CAMTA1: variants seen among roughly 807,000 people sequenced by gnomAD.
The protein encoded by CAMTA1 is calmodulin-binding transcription activator 1.
Under a neutral mutation model 170.9 loss-of-function variants are expected in CAMTA1, and 27 were observed. The ratio of observed to expected loss-of-function variants is 0.16; its 90% CI spans 0.12 to 0.22. The LOEUF is 0.22. Ranked by LOEUF, CAMTA1 falls within the 10% of genes least tolerant of loss-of-function variation. The pLI, the probability that CAMTA1 is intolerant of heterozygous loss-of-function variation, is 1.00. For missense variants in CAMTA1, 1,619 were observed against 2,217.2 expected, an observed-to-expected ratio of 0.73 and a Z score of 5.42; for synonymous variants, 833 against 891.5, an observed-to-expected ratio of 0.93 and a Z score of 1.17.
At chr1:7,301,084 G>C (rs538611077) in intron 5 of CAMTA1, among the ~76,000 whole-genome samples, 1 of 152,274 alleles carries the variant, frequency 6.6e-6, no homozygotes, top group South Asian at 2.1e-4. Context: ...CTATTACCCA[G>C]GAGCCCAGAA....
intron 4 of CAMTA1, among the ~76,000 whole-genome samples, chr1:7,151,582 T>G (rs1477674438): frequency 3.3e-5 from 5 of 152,190 alleles, no homozygotes; most frequent in Non-Finnish European, 5.9e-5. Context: ...CTGAGTGTCT[T>G]GACGGCACAG....
intron 3 of CAMTA1, among the ~76,000 whole-genome samples, chr1:6,906,815 TGTA>T (rs1455975689): frequency 6.6e-6 from 1 of 152,190 alleles, no homozygotes; most frequent in Non-Finnish European, 1.5e-5. Flanking sequence ...AATATTCTCA[TGTA>T]GTTATTATTT....
chr1:7,244,030 A>G (rs1665342486), intron 4 of CAMTA1, among the ~76,000 whole-genome samples: 1 of 152,244 alleles, frequency 6.6e-6, no homozygotes, highest in Admixed American at 6.5e-5. Flanking sequence ...CAATGAACTC[A>G]AACAAATTTA....
At chr1:6,922,717 T>G (rs1163681304) in intron 3 of CAMTA1, among the ~76,000 whole-genome samples, 2 of 152,110 alleles carry the variant, frequency 1.3e-5, no homozygotes, top group Non-Finnish European at 2.9e-5. Flanking sequence ...AAGGCCAGCC[T>G]GTATTCAGTG....
At chr1:7,370,914 C>CTTTTTTTT (rs61387662) in intron 5 of CAMTA1, among the ~76,000 whole-genome samples, 6,762 of 109,914 alleles carry the variant, frequency 0.062, 737 homozygotes, top group African/African-American at 0.073. Flanking sequence ...TTCTTTCTTT[C>CTTTTTTTT]TTTTTTTTTT....
chr1:7,671,661 A>G (rs959842275), intron 10 of CAMTA1, among the ~76,000 whole-genome samples: 3 of 152,180 alleles, frequency 2.0e-5, no homozygotes, highest in Non-Finnish European at 4.4e-5. Flanking sequence ...TGTGCCCAGA[A>G]AAGGTGCATA....
At chr1:7,727,287 T>C (rs907440107) in intron 11 of CAMTA1, among the ~76,000 whole-genome samples, 2 of 152,102 alleles carry the variant, frequency 1.3e-5, no homozygotes, top group African/African-American at 4.8e-5. Flanking sequence ...CACACCCGGC[T>C]AATTTTTTGT....
intron 3 of CAMTA1, among the ~76,000 whole-genome samples, chr1:6,892,592 CTTTTCTTTTTTTTT>C (rs1327778762): frequency 8.3e-6 from 1 of 120,682 alleles, no homozygotes; most frequent in Non-Finnish European, 1.8e-5. Context: ...AAATTTTTTT[CTTTTCTTTTTTTTT>C]TTTTTTTTGC....
At chr1:6,950,716 C>A (rs1688334325) in intron 3 of CAMTA1, among the ~76,000 whole-genome samples, 1 of 151,946 alleles carries the variant, frequency 6.6e-6, no homozygotes, top group Admixed American at 6.6e-5. Context: ...GCACCCCCAC[C>A]CCCCAGCCCC....
intron 2 of CAMTA1, among the ~76,000 whole-genome samples, chr1:6,823,950 T>C (rs983094964): frequency 6.6e-6 from 1 of 152,190 alleles, no homozygotes; most frequent in Admixed American, 6.5e-5. Flanking sequence ...TAATCTAATC[T>C]TGTTGATTTG....
At chr1:7,243,189 G>C (rs1247005171) in intron 4 of CAMTA1, among the ~76,000 whole-genome samples, 2 of 152,036 alleles carry the variant, frequency 1.3e-5, no homozygotes, top group Non-Finnish European at 2.9e-5. Context: ...CCTATGCCTT[G>C]GTCTTCTTTT....
rs375289420 is a variant in CAMTA1, at chr1:6,900,556, A to T, written c.234+75346A>T. On this transcript the variant is annotated intron_variant, in intron 3 of 22. Coordinates refer to ENST00000303635, the MANE Select transcript of CAMTA1 (RefSeq NM_015215.4). ...TATGAAAAACCCATGGAATCTATAT[A>T]AAAAAAAACCCAAGCACCTATGAGA... Among the ~76,000 whole-genome samples the T allele has an allele frequency of 3.6e-4, 55 of 151,394 alleles. No homozygotes were observed. In the East Asian group the frequency reaches 7.2e-3, roughly 20 times the overall value.
chr1:7,307,615 A>G (rs1675796344), intron 5 of CAMTA1, among the ~76,000 whole-genome samples: 1 of 151,876 alleles, frequency 6.6e-6, no homozygotes, highest in African/African-American at 2.4e-5. Context: ...GAATATAATA[A>G]TGTTTTTTCT....
intron 3 of CAMTA1, among the ~76,000 whole-genome samples, chr1:6,860,172 T>C (rs1175801974): frequency 6.6e-6 from 1 of 152,222 alleles, no homozygotes; most frequent in Non-Finnish European, 1.5e-5. Context: ...CATTATGTCC[T>C]CATGCCAATC....
intron 5 of CAMTA1, among the ~76,000 whole-genome samples, chr1:7,425,704 G>A (rs1439007198): frequency 6.7e-6 from 1 of 150,068 alleles, no homozygotes; most frequent in Non-Finnish European, 1.5e-5. Flanking sequence ...TACCCACCGA[G>A]AGCCCTTCTG....
intron 3 of CAMTA1, among the ~76,000 whole-genome samples, chr1:6,921,762 A>T (rs1682062186): frequency 6.6e-6 from 1 of 152,220 alleles, no homozygotes; most frequent in Non-Finnish European, 1.5e-5. Flanking sequence ...ACTCCCCCTT[A>T]TAATCCCGTC....
chr1:7,462,441 T>A (rs2093112503), intron 5 of CAMTA1, among the ~76,000 whole-genome samples: 1 of 152,108 alleles, frequency 6.6e-6, no homozygotes, highest in Non-Finnish European at 1.5e-5. Flanking sequence ...ATTTTTGTAT[T>A]TTTAGTAGAG....
Position 6,887,887 on chromosome 1 carries a change from T to C in CAMTA1, c.234+62677T>C. ...AAAAATGAAATAGAATAAAGTGACC[T>C]ACTCTTGCCTCATCCGGAGTTATTA... On this transcript the variant is annotated intron_variant, in intron 3 of 22. Transcript: ENST00000303635. The surrounding 1 kb of genome is among the most constrained non-coding windows in gnomAD (Gnocchi z 4.1). The C allele has an allele frequency of 1.4e-6, 2 of 1,394,934 alleles. No homozygotes were observed. The highest frequency in any genetic ancestry group is 1.9e-6 in the Non-Finnish European group (2 of 1,073,532). The allele number at this position is 1,394,934 out of a possible 1,614,324, so 86.4% of individuals were successfully genotyped here.
At chr1:7,439,970 G>A (rs2092469714) in intron 5 of CAMTA1, among the ~76,000 whole-genome samples, 2 of 152,280 alleles carry the variant, frequency 1.3e-5, no homozygotes, top group African/African-American at 4.8e-5. Flanking sequence ...AATTCCGTGA[G>A]GCTTTGTTGA....
Sources: gnomAD v4.1 joint callset for allele counts (sites outside exome capture counted in the v4.1 genomes callset) on GRCh38, gnomAD v4.1.1 for gene constraint, Gnocchi (gnomAD v3.1) non-coding constraint, MANE v1.5 for transcripts, NCBI Gene and HGNC (gene_info 2026-07-23, HGNC 2026-07-21) for gene names.